Variants in RBPMS observed in about 807,000 individuals in gnomAD.
RBPMS encodes the protein RNA-binding protein with multiple splicing.
A neutral mutation model predicts 26.8 loss-of-function variants in RBPMS; 7 were observed. That is an observed-to-expected ratio of 0.26 (90% CI 0.15 to 0.49). The LOEUF (loss-of-function observed/expected upper bound fraction) is 0.49. RBPMS is among the 20% of genes least tolerant of loss of function. The pLI, the probability that RBPMS is intolerant of heterozygous loss-of-function variation, is 0.98. For missense variants in RBPMS, 186 were observed against 250.0 expected (o/e 0.74, Z 1.73); for synonymous variants, 96 against 93.3 (o/e 1.03, Z -0.17).
intron 6 of RBPMS, among the ~76,000 whole-genome samples, chr8:30,548,704 G>T (rs1826055740): frequency 6.6e-6 from 1 of 152,192 alleles, no homozygotes; most frequent in Admixed American, 6.5e-5. Flanking sequence ...ACCAGGAAGG[G>T]AGCTCACAGA....
chr8:30,504,280 C>A lies in RBPMS; in HGVS notation c.247-6C>A. The A allele has an allele frequency of 6.2e-7, 1 of 1,614,054 alleles. No homozygotes were observed. The highest frequency in any genetic ancestry group is 8.5e-7 in the Non-Finnish European group (1 of 1,179,936). The stretch of plus-strand genomic sequence containing the variant: ...AACATCTTCCATTTGTTCTCTGTTT[C>A]CAAAGGGCATCCGCTTCGATCCTGA... On this transcript the variant is annotated splice_polypyrimidine_tract_variant and splice_region_variant and intron_variant, in intron 4 of 8. Coordinates refer to ENST00000397323, the MANE Select transcript of RBPMS (RefSeq NM_001008710.3).
In RBPMS at chr8:30,544,602, A is replaced by G; in HGVS notation, c.506A>G (p.Tyr169Cys). Residue 169 changes from tyrosine (Y) to cysteine (C), a missense_variant, in exon 6 of 9, where the codon TAT (tyrosine) becomes TGT (cysteine). Physicochemically the swap from Tyr to Cys is radical, Grantham distance 194. Coordinates refer to ENST00000397323, the MANE Select transcript of RBPMS (RefSeq NM_001008710.3). ...APALPPPAFT[Y>C]PASLHAQMRW... Reference sequence around the variant, plus strand: ...GCTCTACCTCCTCCTGCTTTCACCTATCCCGCTTCACTGCATGCCCAGGTA... The same window carrying G: ...GCTCTACCTCCTCCTGCTTTCACCTGTCCCGCTTCACTGCATGCCCAGGTA... 3.7e-6 allele frequency: 6 copies of G among 1,613,990 alleles called. No individual in the cohort carries two copies. The highest frequency in any genetic ancestry group is 1.1e-5 in the South Asian group (1 of 91,072).
intron 4 of RBPMS, among the ~76,000 whole-genome samples, chr8:30,490,806 A>G (rs1209138559): frequency 2.6e-5 from 4 of 152,168 alleles, no homozygotes; most frequent in African/African-American, 9.7e-5. Flanking sequence ...CTAGTAATCT[A>G]ATTGCAAGGA....
chr8:30,511,482 AAAAAATATATATATAT>A (rs1278840779), intron 5 of RBPMS, among the ~76,000 whole-genome samples: 9 of 6,792 alleles, frequency 1.3e-3, no homozygotes, highest in Middle Eastern at 0.2. Context: ...AAAAAAAAAA[AAAAAATATATATATAT>A]ATATATATAT....
intron 6 of RBPMS, chr8:30,545,233 A>G (rs1176910026): frequency 2.6e-5 from 32 of 1,244,686 alleles, no homozygotes; most frequent in Non-Finnish European, 3.1e-5. Context: ...AGAGATCTCT[A>G]TTCTGACCAG....
intron 4 of RBPMS, among the ~76,000 whole-genome samples, chr8:30,503,149 C>T (rs1563382976): frequency 6.6e-6 from 1 of 152,130 alleles, no homozygotes. Context: ...CTGTTAATGC[C>T]ATTACCATCC....
chr8:30,452,103 C>G (rs1309697201), intron 1 of RBPMS, among the ~76,000 whole-genome samples: 1 of 152,106 alleles, frequency 6.6e-6, no homozygotes, highest in Non-Finnish European at 1.5e-5. Flanking sequence ...AGGCTGCATT[C>G]GTGTGTCTGA....
intron 7 of RBPMS, 101 bp downstream of exon 7, chr8:30,559,057 C>T: frequency 2.3e-6 from 2 of 869,248 alleles, no homozygotes; most frequent in African/African-American, 1.6e-5. Flanking sequence ...TCTGCACCCA[C>T]ACCTTATGCA....
At chr8:30,428,803 A>G (rs947644566) in intron 1 of RBPMS, among the ~76,000 whole-genome samples, 1 of 151,736 alleles carries the variant, frequency 6.6e-6, no homozygotes, top group Non-Finnish European at 1.5e-5. Context: ...GGGTAAGAAA[A>G]CTCATGTACA....
intron 8 of RBPMS, among the ~76,000 whole-genome samples, chr8:30,569,982 G>T (rs187680669): frequency 6.6e-6 from 1 of 152,156 alleles, no homozygotes; most frequent in African/African-American, 2.4e-5. Flanking sequence ...CCCCTGCTCC[G>T]CCGGCCGTTA....
intron 5 of RBPMS, among the ~76,000 whole-genome samples, chr8:30,520,318 A>G (rs533149656): frequency 2.0e-5 from 3 of 152,228 alleles, no homozygotes; most frequent in African/African-American, 7.2e-5. Flanking sequence ...TCCATTGGTG[A>G]TCACTGTTTT....
At chr8:30,438,845 C>T (rs1377248305) in intron 1 of RBPMS, among the ~76,000 whole-genome samples, 2 of 152,132 alleles carry the variant, frequency 1.3e-5, no homozygotes, top group Middle Eastern at 3.2e-3. Flanking sequence ...GCAATCTCAG[C>T]TCACTGTAGC....
intron 1 of RBPMS, among the ~76,000 whole-genome samples, chr8:30,443,139 C>T (rs1046172797): frequency 6.6e-6 from 1 of 152,190 alleles, no homozygotes; most frequent in African/African-American, 2.4e-5. Context: ...GCAGCTTCTC[C>T]ACAACCCGAA....
intron 5 of RBPMS, among the ~76,000 whole-genome samples, chr8:30,541,189 C>T (rs1334441281): frequency 1.3e-5 from 2 of 152,208 alleles, no homozygotes; most frequent in South Asian, 4.2e-4. Flanking sequence ...TCAATGTGAC[C>T]GTAGACTGTA....
chr8:30,555,288 T>G (rs1826761148), intron 6 of RBPMS, among the ~76,000 whole-genome samples: 1 of 152,116 alleles, frequency 6.6e-6, no homozygotes, highest in Non-Finnish European at 1.5e-5. Context: ...AGAGGGATGG[T>G]AGAATCCCAA....
Position 30,439,994 on chromosome 8 carries a change from T to C in RBPMS, c.67-34785T>C, listed in dbSNP as rs547972180. On this transcript the variant is annotated intron_variant, in intron 1 of 8. Transcript: ENST00000397323. Reference sequence around the variant, plus strand: ...GAGTTCAAGACCAGCCTGAGCAACATAGTGAGACCTCGTCTCTACAATCAA... The same window carrying C: ...GAGTTCAAGACCAGCCTGAGCAACACAGTGAGACCTCGTCTCTACAATCAA... Among the ~76,000 whole-genome samples the C allele has an allele frequency of 3.3e-5, 5 of 152,308 alleles. No individual in the cohort carries two copies. In the East Asian group the frequency reaches 7.7e-4, roughly 24 times the overall value.
intron 5 of RBPMS, 93 bp from the exon 6 acceptor site, chr8:30,544,401 T>A: frequency 8.0e-7 from 1 of 1,243,782 alleles, no homozygotes. Flanking sequence ...CTTCCGACAG[T>A]GATTGGGGCT....
intron 5 of RBPMS, among the ~76,000 whole-genome samples, chr8:30,528,052 G>A (rs1823784791): frequency 6.6e-6 from 1 of 152,100 alleles, no homozygotes; most frequent in South Asian, 2.1e-4. Context: ...GCGGGCGCCT[G>A]TAATCCCAGC....
intron 1 of RBPMS, among the ~76,000 whole-genome samples, chr8:30,460,906 C>T (rs983274904): frequency 6.6e-6 from 1 of 152,012 alleles, no homozygotes; most frequent in African/African-American, 2.4e-5. Flanking sequence ...AAAAAATTAG[C>T]CAGGCATGGT....
Sources: allele counts gnomAD v4.1 joint callset (sites outside exome capture counted in the v4.1 genomes callset), GRCh38; gene constraint gnomAD v4.1.1; transcripts MANE v1.5; gene names NCBI Gene and HGNC (gene_info 2026-07-23, HGNC 2026-07-21).